Variants in CORO2B observed in about 807,000 individuals in gnomAD.
The protein encoded by CORO2B is coronin 2B, also known as coronin-2B.
A neutral mutation model predicts 58.8 loss-of-function variants in CORO2B; 26 were observed. The observed-to-expected ratio is 0.44, with a 90% CI of 0.32 to 0.61. CORO2B has a LOEUF of 0.61. Among genes scored for constraint, CORO2B ranks in the 20% least tolerant of loss-of-function variants. The pLI, the probability that CORO2B is intolerant of heterozygous loss-of-function variation, is 0.04. For synonymous variants in CORO2B, 242 were observed against 253.8 expected, an observed-to-expected ratio of 0.95 and a Z score of 0.44; for missense variants, 460 against 645.1, an observed-to-expected ratio of 0.71 and a Z score of 3.11.
At chr15:68,610,282 T>C (rs758125726) in intron 1 of CORO2B, among the ~76,000 whole-genome samples, 3 of 152,100 alleles carry the variant, frequency 2.0e-5, no homozygotes, top group Non-Finnish European at 4.4e-5. Context: ...CCTCGCCTCG[T>C]TTACAAAGCA....
the CORO2B span, among the ~76,000 whole-genome samples, chr15:68,561,415 C>T: frequency 6.6e-6 from 1 of 152,080 alleles, no homozygotes; most frequent in Non-Finnish European, 1.5e-5. Flanking sequence ...CCCAGCCCCA[C>T]TCAGAGCAAG....
intron 2 of CORO2B, among the ~76,000 whole-genome samples, chr15:68,660,616 C>T (rs1318553204): frequency 6.6e-6 from 1 of 152,108 alleles, no homozygotes; most frequent in East Asian, 1.9e-4. Context: ...AGCAATCCAC[C>T]CATCTTGGCT....
chr15:68,539,910 G>T, the CORO2B span, among the ~76,000 whole-genome samples: 10 of 152,186 alleles, frequency 6.6e-5, no homozygotes, highest in Non-Finnish European at 1.3e-4. Flanking sequence ...TCAATCTATC[G>T]TGGTATGTTG....
intron 2 of CORO2B, among the ~76,000 whole-genome samples, chr15:68,662,635 C>G (rs540948314): frequency 3.4e-4 from 52 of 152,318 alleles, no homozygotes; most frequent in African/African-American, 1.2e-3. Flanking sequence ...GCATTTTAAG[C>G]AGATACTTGC....
chr15:68,718,859 T>C, intron 9 of CORO2B, 49 bp downstream of exon 9: 1 of 1,469,240 alleles, frequency 6.8e-7, no homozygotes, highest in Non-Finnish European at 9.5e-7. Flanking sequence ...CATCGCCTCT[T>C]AGCCTGCTCA....
At chr15:68,624,250 G>A (rs1327083388) in intron 1 of CORO2B, among the ~76,000 whole-genome samples, 1 of 152,186 alleles carries the variant, frequency 6.6e-6, no homozygotes, top group Non-Finnish European at 1.5e-5. Context: ...GCAGTGGTGT[G>A]AGACTGCAGT....
intron 1 of CORO2B, among the ~76,000 whole-genome samples, chr15:68,630,422 G>GTTT (rs11381045): frequency 9.3e-5 from 14 of 149,754 alleles, no homozygotes; most frequent in African/African-American, 2.0e-4. Context: ...GAAATGAAAT[G>GTTT]TTTTTTTTTT....
At chr15:68,557,330 C>T in the CORO2B span, among the ~76,000 whole-genome samples, 1 of 152,094 alleles carries the variant, frequency 6.6e-6, no homozygotes, top group Non-Finnish European at 1.5e-5. Flanking sequence ...AAGGTCATAG[C>T]AGAGCTGAGG....
At chr15:68,552,553 G>A in the CORO2B span, among the ~76,000 whole-genome samples, 1 of 152,164 alleles carries the variant, frequency 6.6e-6, no homozygotes, top group South Asian at 2.1e-4. Context: ...GAGGGAGTCT[G>A]TGTGCAGAGT....
chr15:68,534,766 A>T, the CORO2B span, among the ~76,000 whole-genome samples: 1 of 152,318 alleles, frequency 6.6e-6, no homozygotes, highest in Admixed American at 6.5e-5. Context: ...GACATACCCA[A>T]GACTGGGTAA....
chr15:68,599,513 C>T (rs1449386702), intron 1 of CORO2B, among the ~76,000 whole-genome samples: 3 of 152,234 alleles, frequency 2.0e-5, no homozygotes, highest in African/African-American at 4.8e-5. Flanking sequence ...GCAAATTCAT[C>T]AGAGGGAGCA....
chr15:68,519,003 T>C, the CORO2B span, among the ~76,000 whole-genome samples: 1 of 152,226 alleles, frequency 6.6e-6, no homozygotes, highest in South Asian at 2.1e-4. Context: ...AACCTGTACA[T>C]ACAGGAGCAA....
At position 68,710,734 on chromosome 15, in the gene CORO2B, G is replaced by A. The variant is rs767125761; in HGVS notation, c.336G>A (p.Val112=). 1.2e-6 allele frequency: 2 copies of A among 1,602,016 alleles called. No individual in the cohort carries two copies. Among genetic ancestry groups the A allele is most frequent in the South Asian group, 1.1e-5 (1 of 88,514 alleles). The change falls in exon 4 of 12, where the codon GTG becomes GTA. Residue 112 remains valine (V), a splice_region_variant and synonymous_variant. Coordinates refer to ENST00000261861, the MANE Select transcript of CORO2B (RefSeq NM_006091.5). The surrounding 1 kb of genome is among the most constrained non-coding windows in gnomAD (Gnocchi z 4.1). ...IIASCSEDTS[V]RIWEIPEGGL... The stretch of plus-strand genomic sequence containing the variant: ...TGGACCCTCATCTCCCTCTGCAGGT[G>A]CGGATCTGGGAGATCCCCGAGGGCG...
intron 1 of CORO2B, among the ~76,000 whole-genome samples, chr15:68,621,048 G>A (rs898344472): frequency 6.6e-6 from 1 of 152,204 alleles, no homozygotes; most frequent in African/African-American, 2.4e-5. Flanking sequence ...GCTGATTAAC[G>A]GGTGTGTTAC....
At chr15:68,661,912 C>G (rs1028540905) in intron 2 of CORO2B, among the ~76,000 whole-genome samples, 1 of 152,172 alleles carries the variant, frequency 6.6e-6, no homozygotes, top group Non-Finnish European at 1.5e-5. Flanking sequence ...GAGGCTGAAG[C>G]AGGAGAATCA....
chr15:68,619,443 C>T (rs996591520), intron 1 of CORO2B, among the ~76,000 whole-genome samples: 9 of 152,264 alleles, frequency 5.9e-5, no homozygotes, highest in African/African-American at 1.9e-4. Context: ...TCTTAGAGGG[C>T]TGGACTGTCT....
chr15:68,672,455 T>C (rs530584133), intron 2 of CORO2B, among the ~76,000 whole-genome samples: 1 of 152,132 alleles, frequency 6.6e-6, no homozygotes, highest in South Asian at 2.1e-4. Context: ...CTAATTTTTG[T>C]GTGTGTACAG....
At chr15:68,599,747 C>T (rs1899930596) in intron 1 of CORO2B, among the ~76,000 whole-genome samples, 2 of 152,184 alleles carry the variant, frequency 1.3e-5, no homozygotes, top group Non-Finnish European at 2.9e-5. Flanking sequence ...TCCCCAGGCT[C>T]TCCCCTCCCC....
the CORO2B span, among the ~76,000 whole-genome samples, chr15:68,550,645 CT>C: frequency 6.6e-6 from 1 of 152,300 alleles, no homozygotes; most frequent in South Asian, 2.1e-4. Context: ...CTGGGTTCAC[CT>C]TAGAAGGGAC....
Sources: allele counts gnomAD v4.1 joint callset (sites outside exome capture counted in the v4.1 genomes callset), GRCh38; gene constraint gnomAD v4.1.1; non-coding constraint Gnocchi (gnomAD v3.1); transcripts MANE v1.5; gene names NCBI Gene and HGNC (gene_info 2026-07-23, HGNC 2026-07-21).